Variants in SULT1A2 observed in about 807,000 individuals in gnomAD.
SULT1A2 encodes sulfotransferase 1A2.
SULT1A2 carries 33 observed loss-of-function variants against 36.0 expected under a neutral mutation model. The ratio of observed to expected loss-of-function variants is 0.92; its 90% CI spans 0.69 to 1.22. The LOEUF (loss-of-function observed/expected upper bound fraction) is 1.22. Ranked by LOEUF, SULT1A2 falls within the 50% of genes most tolerant of loss-of-function variation. The probability of loss-of-function intolerance (pLI) is 0.00; values close to 1 mark genes in which losing one functional copy is unlikely to be tolerated. For synonymous variants in SULT1A2, 138 were observed against 144.5 expected (o/e 0.96, Z 0.32); for missense variants, 367 against 383.2 (o/e 0.96, Z 0.35).
At position 28,593,496 on chromosome 16, in the gene SULT1A2, A is replaced by G. The variant is rs764148152; in HGVS notation, c.445T>C (p.Tyr149His). 43 of 1,614,020 alleles carry G rather than the reference A, an allele frequency of 2.7e-5. No individual in the cohort carries two copies. Among genetic ancestry groups the G allele is most frequent in the Admixed American group, 1.2e-4 (7 of 60,000 alleles). Residue 149 changes from tyrosine (Y) to histidine (H), a missense_variant, in exon 5 of 8, where the codon TAC becomes CAC. Physicochemically the swap from Tyr to His is moderately conservative, Grantham distance 83. Coordinates refer to ENST00000335715, the MANE Select transcript of SULT1A2 (RefSeq NM_001054.4). ...CTTTCCCAGGTCCCAGGGTGAGGGT[A>G]CACTTTGGCCATGTGGTAGAAGTGG... ...YYHFYHMAKV[Y>H]PHPGTWESFL... is the part of the protein sequence containing the mutation.
At chr16:28,595,960 C>T (rs754984556) in intron 1 of SULT1A2, 26 bp from the exon 2 acceptor site, 15 of 1,601,620 alleles carry the variant, frequency 9.4e-6, no homozygotes, top group Middle Eastern at 2.3e-4. Flanking sequence ...GAGCCAGGCC[C>T]GTTCCCTTAC....
rs1176805907 is a variant in SULT1A2 at position 28,597,023 on chromosome 16, G to A, written c.-31C>T. 7 of 1,282,234 alleles carry A rather than the reference G, an allele frequency of 5.5e-6. No homozygotes were observed. The highest frequency in any genetic ancestry group is 1.2e-5 in the South Asian group (1 of 80,646). 79.4% of individuals were successfully genotyped at this position (1,282,234 alleles called of 1,614,324 possible). ...TGAGCTCTTGGGAACCTGGCCTTGT[G>A]CCCTCCTCGCCCGCAGTGGCTGAGT... On this transcript the variant is annotated 5_prime_UTR_variant, in exon 1 of 8. Transcript: ENST00000335715.
chr16:28,593,699 T>C, intron 4 of SULT1A2, 131 bp from the exon 5 acceptor site: 1 of 1,522,336 alleles, frequency 6.6e-7, no homozygotes, highest in Non-Finnish European at 8.8e-7. Flanking sequence ...ACGGCACAGG[T>C]AGGGCCAAGT....
chr16:28,594,695 T>C (rs1296599535), intron 4 of SULT1A2, among the ~76,000 whole-genome samples: 1 of 146,108 alleles, frequency 6.8e-6, no homozygotes, highest in Non-Finnish European at 1.5e-5. Context: ...TTGGGTGATC[T>C]GCCCACCTCG....
chr16:28,595,586 G>T lies in SULT1A2; in HGVS notation c.238C>A (p.Pro80Thr). Residue 80 changes from proline (P) to threonine (T), a missense_variant, in exon 3 of 8, where the codon CCC becomes ACC. Transcript: ENST00000335715. ...CCTGGGACTTTGAACTCAAGGAAGG[G>T]CACCCGCATGAAGATGGGAGCTCGG... Reference protein sequence around the residue: ...CHRAPIFMRVPFLEFKVPGIP... With the variant: ...CHRAPIFMRVTFLEFKVPGIP... 1 of 1,614,196 alleles carries T rather than the reference G, an allele frequency of 6.2e-7. No homozygotes were observed. Among genetic ancestry groups the T allele is most frequent in the Non-Finnish European group, 8.5e-7 (1 of 1,180,034 alleles).
rs1189418255 is a variant in SULT1A2, at chr16:28,595,370, G to C, written c.369C>G (p.Val123=). Reference sequence around the variant, plus strand: ...GAACCACTGTGCCCAGTCTCACCTTGACCTTCTGATCCAACAGAGTCTGGG... The same window carrying C: ...GAACCACTGTGCCCAGTCTCACCTTCACCTTCTGATCCAACAGAGTCTGGG... The part of the protein sequence containing the change: ...LLPQTLLDQK[V]KVVYVARNAK... The change falls in exon 4 of 8, where the codon GTC becomes GTG. Residue 123 remains valine, a synonymous_variant. Coordinates refer to ENST00000335715, the MANE Select transcript of SULT1A2 (RefSeq NM_001054.4). The C allele has an allele frequency of 1.2e-6, 2 of 1,613,922 alleles. No individual in the cohort carries two copies. The highest frequency in any genetic ancestry group is 2.2e-5 in the South Asian group (2 of 91,078).
In SULT1A2 at chr16:28,593,440, A is replaced by T. The variant is rs2047020752; in HGVS notation, c.499+2T>A. ...CACCTTCCTTCCTCCCATCAAGCCC[A>T]CCTTCTCCAGCCATGAACTTCTCCA... On this transcript the variant is annotated splice_donor_variant, in intron 5 of 7. Transcript: ENST00000335715. LOFTEE classifies it high-confidence loss of function. 6.2e-7 allele frequency: 1 copy of T among 1,613,974 alleles called. No individual in the cohort carries two copies. The highest frequency in any genetic ancestry group is 1.3e-5 in the African/African-American group (1 of 74,974).
chr16:28,596,427 C>A (rs1286205950), intron 1 of SULT1A2: 8 of 924,596 alleles, frequency 8.7e-6, no homozygotes, highest in Non-Finnish European at 1.1e-5. Context: ...CCTAGGCTGG[C>A]CAGGCCTGTG....
At position 28,595,599 on chromosome 16, in the gene SULT1A2, G is replaced by A; in HGVS notation, c.225C>T (p.Ile75=). The A allele has an allele frequency of 1.2e-6, 2 of 1,614,234 alleles. No individual in the cohort carries two copies. Among genetic ancestry groups the A allele is most frequent in the South Asian group, 1.1e-5 (1 of 91,090 alleles). Residue 75 remains isoleucine, a synonymous_variant, in exon 3 of 8, where the codon ATC becomes ATT. Transcript: ENST00000335715. ...GDLEKCHRAP[I]FMRVPFLEFK... Reference sequence around the variant, plus strand: ...ACTCAAGGAAGGGCACCCGCATGAAGATGGGAGCTCGGTGACACTTTTCCA... The same window carrying A: ...ACTCAAGGAAGGGCACCCGCATGAAAATGGGAGCTCGGTGACACTTTTCCA...
intron 5 of SULT1A2, 47 bp downstream of exon 5, chr16:28,593,395 G>C (rs1427205715): frequency 1.2e-6 from 2 of 1,614,094 alleles, no homozygotes; most frequent in East Asian, 4.5e-5. Context: ...GTGCGTTGTA[G>C]CCACCACCCC....
rs369892402 is a variant in SULT1A2 at position 28,595,961 on chromosome 16, G to A, written c.-4-27C>T. 4.3e-5 allele frequency: 69 copies of A among 1,601,274 alleles called. 1 individual carries two copies. The South Asian group carries it at 5.3e-4, about 12-fold the overall frequency. ...TGCGTCAGGGGCCAGAGCCAGGCCC[G>A]TTCCCTTACCACCATCACAACAGCA... On this transcript the variant is annotated intron_variant, in intron 1 of 7. Coordinates refer to ENST00000335715, the MANE Select transcript of SULT1A2 (RefSeq NM_001054.4).
intron 1 of SULT1A2, 85 bp from the exon 2 acceptor site, chr16:28,596,019 C>T (rs1379269953): frequency 5.1e-6 from 8 of 1,581,808 alleles, no homozygotes; most frequent in Admixed American, 3.5e-5. Context: ...AGGGAAGTCA[C>T]TGAGGCCTAG....
intron 6 of SULT1A2, among the ~76,000 whole-genome samples, chr16:28,593,010 CA>C (rs371124038): frequency 5.4e-5 from 8 of 148,562 alleles, no homozygotes; most frequent in East Asian, 2.0e-4. Flanking sequence ...GACTTTGTCT[CA>C]AAAAAAAAAG....
At chr16:28,593,955 G>A (rs1020720787) in intron 4 of SULT1A2, among the ~76,000 whole-genome samples, 5 of 151,996 alleles carry the variant, frequency 3.3e-5, no homozygotes, top group Admixed American at 6.6e-5. Context: ...AGTCCCCCCC[G>A]TGGAAGATGA....
In SULT1A2 at chr16:28,593,503, G is replaced by C. The variant is rs571223942; in HGVS notation, c.438C>G (p.Ala146=). The C allele has an allele frequency of 1.2e-6, 2 of 1,614,186 alleles. No individual in the cohort carries two copies. Among genetic ancestry groups the C allele is most frequent in the South Asian group, 2.2e-5 (2 of 91,080 alleles). ...AGGTCCCAGGGTGAGGGTACACTTTGGCCATGTGGTAGAAGTGGTAGTAGG... is the reference window on the plus strand; with the variant it reads ...AGGTCCCAGGGTGAGGGTACACTTTCGCCATGTGGTAGAAGTGGTAGTAGG... ...AVSYYHFYHM[A]KVYPHPGTWE... is the part of the protein sequence containing the mutation. Residue 146 remains alanine, a synonymous_variant, in exon 5 of 8, where the codon GCC becomes GCG. Transcript: ENST00000335715.
At position 28,593,433 on chromosome 16, in the gene SULT1A2, C is replaced by G. The variant is rs1167971135; in HGVS notation, c.499+9G>C. Reference sequence around the variant, plus strand: ...AGCTCCACACCTTCCTTCCTCCCATCAAGCCCACCTTCTCCAGCCATGAAC... The same window carrying G: ...AGCTCCACACCTTCCTTCCTCCCATGAAGCCCACCTTCTCCAGCCATGAAC... On this transcript the variant is annotated intron_variant, in intron 5 of 7. Coordinates refer to ENST00000335715, the MANE Select transcript of SULT1A2 (RefSeq NM_001054.4). 6.2e-7 allele frequency: 1 copy of G among 1,614,214 alleles called. No homozygotes were observed. The highest frequency in any genetic ancestry group is 8.5e-7 in the Non-Finnish European group (1 of 1,180,036).
rs190753100 is a variant in SULT1A2, at chr16:28,595,703, G to A, written c.149-28C>T. 38 of 1,613,562 alleles carry A rather than the reference G, an allele frequency of 2.4e-5. No homozygotes were observed. The East Asian group carries it at 3.1e-4, about 13-fold the overall frequency. On this transcript the variant is annotated intron_variant, in intron 2 of 7. Coordinates refer to ENST00000335715, the MANE Select transcript of SULT1A2 (RefSeq NM_001054.4). Reference sequence around the variant, plus strand: ...GGAGAGGGAGGGAGATGGGAGGTGAGCAGGCTGAGGTGAGCATGACCTCGC... The same window carrying A: ...GGAGAGGGAGGGAGATGGGAGGTGAACAGGCTGAGGTGAGCATGACCTCGC...
At position 28,593,246 on chromosome 16, in the gene SULT1A2, T is replaced by C. The variant is rs1596612317; in HGVS notation, c.594+6A>G. On this transcript the variant is annotated splice_donor_region_variant and intron_variant, in intron 6 of 7. Coordinates refer to ENST00000335715, the MANE Select transcript of SULT1A2 (RefSeq NM_001054.4). ...ACGTGGAGGGAAGCATCAAAGGCGG[T>C]CTCACCTCCTTCATGTCTTCATAGA... 6.2e-7 allele frequency: 1 copy of C among 1,612,854 alleles called. No homozygotes were observed. Among genetic ancestry groups the C allele is most frequent in the Admixed American group, 1.7e-5 (1 of 59,994 alleles).
chr16:28,593,143 G>T, intron 6 of SULT1A2, 109 bp downstream of exon 6: 1 of 1,505,530 alleles, frequency 6.6e-7, no homozygotes, highest in Non-Finnish European at 9.0e-7. Context: ...GGGAATCCGG[G>T]CCTGCTGGAG....
Sources: allele counts gnomAD v4.1 joint callset (sites outside exome capture counted in the v4.1 genomes callset), GRCh38; gene constraint gnomAD v4.1.1; transcripts MANE v1.5; gene names NCBI Gene and HGNC (gene_info 2026-07-23, HGNC 2026-07-21).